The following SLMAP variants were observed in gnomAD, a reference collection of about 807,000 sequenced individuals.
SLMAP encodes sarcolemmal membrane-associated protein.
A neutral mutation model predicts 128.8 loss-of-function variants in SLMAP; 44 were observed. The ratio of observed to expected loss-of-function variants is 0.34; its 90% CI spans 0.27 to 0.44. The LOEUF is 0.44. Ranked by LOEUF, SLMAP falls within the 20% of genes least tolerant of loss-of-function variation. SLMAP has a pLI of 1.00. For missense variants in SLMAP, 787 were observed against 985.3 expected (o/e 0.80, Z 2.69); for synonymous variants, 327 against 348.8 (o/e 0.94, Z 0.70).
At chr3:57,811,846 A>T (rs981256582) in intron 2 of SLMAP, among the ~76,000 whole-genome samples, 1 of 152,132 alleles carries the variant, frequency 6.6e-6, no homozygotes, top group African/African-American at 2.4e-5. Context: ...GCATCTTTTC[A>T]TGTGCTTATT....
chr3:57,895,707 TGAGAC>T (rs1412755163), intron 15 of SLMAP, among the ~76,000 whole-genome samples: 1 of 152,008 alleles, frequency 6.6e-6, no homozygotes, highest in African/African-American at 2.4e-5. Flanking sequence ...TTTGGGAGGC[TGAGAC>T]GGGAGGATCA....
chr3:57,778,573 T>TC (rs200259908), intron 2 of SLMAP, among the ~76,000 whole-genome samples: 5 of 144,912 alleles, frequency 3.5e-5, no homozygotes, highest in African/African-American at 1.3e-4. Flanking sequence ...TTTCTTTCTT[T>TC]TTTTTTTTTT....
chr3:57,803,129 C>G (rs751127860), intron 2 of SLMAP, among the ~76,000 whole-genome samples: 8 of 152,046 alleles, frequency 5.3e-5, no homozygotes, highest in Admixed American at 2.6e-4. Flanking sequence ...CAAATAAAAA[C>G]AGTGAGCATC....
At chr3:57,869,227 G>T (rs2095408845) in intron 13 of SLMAP, among the ~76,000 whole-genome samples, 1 of 150,494 alleles carries the variant, frequency 6.6e-6, no homozygotes, top group South Asian at 2.1e-4. Flanking sequence ...ATGTAGGCTG[G>T]GAGGCTAGGC....
intron 2 of SLMAP, among the ~76,000 whole-genome samples, chr3:57,763,139 A>G (rs1370941938): frequency 1.3e-5 from 2 of 152,140 alleles, no homozygotes; most frequent in Admixed American, 6.5e-5. Flanking sequence ...GGATGGCCCT[A>G]TTTGATTTGA....
At chr3:57,781,568 TA>T (rs2153460536) in intron 2 of SLMAP, among the ~76,000 whole-genome samples, 1 of 152,270 alleles carries the variant, frequency 6.6e-6, no homozygotes, top group South Asian at 2.1e-4. Flanking sequence ...GAAGGAGGCA[TA>T]AGAAATTAGT....
intron 19 of SLMAP, 121 bp from the exon 20 acceptor site, chr3:57,912,260 G>T: frequency 1.3e-6 from 1 of 785,244 alleles, no homozygotes. Flanking sequence ...AACGTGGATT[G>T]TTTATACACT....
At chr3:57,774,092 TG>T (rs2081373728) in intron 2 of SLMAP, among the ~76,000 whole-genome samples, 1 of 152,208 alleles carries the variant, frequency 6.6e-6, no homozygotes, top group Non-Finnish European at 1.5e-5. Context: ...AACTTCAGTA[TG>T]AAATATATTT....
At chr3:57,887,413 T>C (rs999267584) in intron 14 of SLMAP, among the ~76,000 whole-genome samples, 2 of 152,050 alleles carry the variant, frequency 1.3e-5, no homozygotes, top group Non-Finnish European at 2.9e-5. Flanking sequence ...GGTTTCTCCA[T>C]GTTGGTCAGG....
intron 2 of SLMAP, among the ~76,000 whole-genome samples, chr3:57,783,586 CAGAA>C (rs919767586): frequency 2.0e-5 from 3 of 152,082 alleles, no homozygotes; most frequent in Non-Finnish European, 4.4e-5. Flanking sequence ...AAAAGAGAAA[CAGAA>C]AGGAAAGATT....
intron 2 of SLMAP, among the ~76,000 whole-genome samples, chr3:57,785,276 T>A (rs2083858339): frequency 6.6e-6 from 1 of 152,194 alleles, no homozygotes; most frequent in African/African-American, 2.4e-5. Context: ...CCTGAGAGAA[T>A]GAGCCATTTT....
chr3:57,886,462 C>T (rs1043903401), intron 14 of SLMAP, among the ~76,000 whole-genome samples: 1 of 151,374 alleles, frequency 6.6e-6, no homozygotes, highest in African/African-American at 2.4e-5. Flanking sequence ...TTTAAAGGAG[C>T]AAAATGCAAA....
chr3:57,852,315 A>G (rs943967954), intron 6 of SLMAP, among the ~76,000 whole-genome samples: 2 of 152,196 alleles, frequency 1.3e-5, no homozygotes, highest in African/African-American at 4.8e-5. Flanking sequence ...TATTAATCAG[A>G]TCTTATCTTC....
chr3:57,886,318 C>G (rs1164745895), intron 14 of SLMAP, among the ~76,000 whole-genome samples: 1 of 151,818 alleles, frequency 6.6e-6, no homozygotes, highest in African/African-American at 2.4e-5. Context: ...AGGCTGGTCT[C>G]GAACTCCTGA....
chr3:57,809,718 C>T (rs2090585701), intron 2 of SLMAP, among the ~76,000 whole-genome samples: 2 of 152,186 alleles, frequency 1.3e-5, no homozygotes, highest in Non-Finnish European at 2.9e-5. Flanking sequence ...AACTGGCTCA[C>T]ATTTCCTCCC....
At chr3:57,829,322 G>T (rs1373088640) in intron 2 of SLMAP, among the ~76,000 whole-genome samples, 3 of 150,814 alleles carry the variant, frequency 2.0e-5, no homozygotes, top group Admixed American at 1.3e-4. Context: ...CACTAAATTG[G>T]CTTAGTAACC....
chr3:57,863,931 G>A (rs1036022276), intron 10 of SLMAP, among the ~76,000 whole-genome samples: 3 of 151,986 alleles, frequency 2.0e-5, no homozygotes, highest in Non-Finnish European at 4.4e-5. Context: ...GTAATTTTAG[G>A]GAAAAATCTT....
At chr3:57,871,441 C>A (rs1218047269) in intron 13 of SLMAP, among the ~76,000 whole-genome samples, 195 bp from the exon 14 acceptor site, 1 of 152,092 alleles carries the variant, frequency 6.6e-6, no homozygotes, top group Non-Finnish European at 1.5e-5. Flanking sequence ...AAAAGCTAAC[C>A]ATTCAGTGTA....
At chr3:57,919,305 C>T (rs1324641576) in intron 22 of SLMAP, among the ~76,000 whole-genome samples, 1 of 151,532 alleles carries the variant, frequency 6.6e-6, no homozygotes, top group Non-Finnish European at 1.5e-5. Flanking sequence ...CGCTTGAACC[C>T]GGGAGGCGGA....
Sources: allele counts gnomAD v4.1 joint callset (sites outside exome capture counted in the v4.1 genomes callset), GRCh38; gene constraint gnomAD v4.1.1; transcripts MANE v1.5; gene names NCBI Gene and HGNC (gene_info 2026-07-23, HGNC 2026-07-21).